Variants in NPAS3 observed in about 807,000 individuals in gnomAD.
NPAS3 encodes the protein neuronal PAS domain-containing protein 3.
A neutral mutation model predicts 73.1 loss-of-function variants in NPAS3; 14 were observed. That is an observed-to-expected ratio of 0.19 (90% CI 0.13 to 0.30). NPAS3 has a LOEUF of 0.30. Among genes scored for constraint, NPAS3 ranks in the 10% least tolerant of loss-of-function variants. The pLI is 1.00. For synonymous variants in NPAS3, 620 were observed against 541.5 expected, an observed-to-expected ratio of 1.14 and a Z score of -2.01; for missense variants, 1,096 against 1,250.0, an observed-to-expected ratio of 0.88 and a Z score of 1.86.
At chr14:33,195,710 C>T (rs2046328791) in intron 2 of NPAS3, among the ~76,000 whole-genome samples, 1 of 152,202 alleles carries the variant, frequency 6.6e-6, no homozygotes, top group Non-Finnish European at 1.5e-5. Context: ...CTAGGCTTTC[C>T]TTTCAAAGCG....
rs140915363 is a variant in NPAS3 at position 33,060,677 on chromosome 14, A to C, written c.140+4683A>C. Among the ~76,000 whole-genome samples, 440 of 152,274 alleles carry C rather than the reference A, an allele frequency of 2.9e-3. 8 individuals are homozygous for C. The highest frequency in any genetic ancestry group is 0.01 in the African/African-American group (429 of 41,562). ...ACCTGGATGCCTGGTTAGTGTTTCA[A>C]ACCTGTGCCTCATCGGCACAGAGTT... On this transcript the variant is annotated intron_variant, in intron 2 of 11. Transcript: ENST00000356141.
intron 10 of NPAS3, among the ~76,000 whole-genome samples, chr14:33,795,590 A>C (rs753258244): frequency 6.6e-6 from 1 of 152,180 alleles, no homozygotes; most frequent in Admixed American, 6.5e-5. Flanking sequence ...CAGGCACCCT[A>C]GGGCTAGCAG....
At chr14:33,132,724 A>G (rs1434370233) in intron 2 of NPAS3, among the ~76,000 whole-genome samples, 1 of 152,170 alleles carries the variant, frequency 6.6e-6, no homozygotes, top group Non-Finnish European at 1.5e-5. Flanking sequence ...AAAATTGACA[A>G]GATGATTGGA....
chr14:33,800,441 C>A lies in NPAS3; in HGVS notation c.2134C>A (p.Pro712Thr). Residue 712 changes from proline to threonine, a missense_variant, in exon 12 of 12, where the codon CCC (proline) becomes ACC (threonine). By Grantham distance (38) the Pro-to-Thr change is conservative. Coordinates refer to ENST00000356141, the Ensembl canonical transcript of NPAS3. The surrounding 1 kb of genome is among the most constrained non-coding windows in gnomAD (Gnocchi z 6.5). ...TGGCGGGGGGCTGCACGTGGCCATT[C>A]CCGACTCGGTCCTCACCCCGCCCGG... is the stretch of plus-strand genomic sequence containing the variant. The A allele has an allele frequency of 6.4e-7, 1 of 1,574,540 alleles. No homozygotes were observed.
chr14:33,172,593 G>A (rs2045432701), intron 2 of NPAS3, among the ~76,000 whole-genome samples: 3 of 152,064 alleles, frequency 2.0e-5, no homozygotes, highest in East Asian at 3.9e-4. Flanking sequence ...AAAATTAGCC[G>A]GGTGTGGTGG....
chr14:33,085,693 G>A (rs2042001859), intron 2 of NPAS3, among the ~76,000 whole-genome samples: 2 of 152,074 alleles, frequency 1.3e-5, no homozygotes, highest in South Asian at 4.2e-4. Context: ...TTTTTCTTGT[G>A]AAAAGACATT....
At chr14:33,749,928 A>C (rs1412356055) in intron 7 of NPAS3, among the ~76,000 whole-genome samples, 1 of 152,140 alleles carries the variant, frequency 6.6e-6, no homozygotes, top group African/African-American at 2.4e-5. Flanking sequence ...ATCAGTGGAG[A>C]TGTGTCACAA....
chr14:32,937,524 C>T (rs1316096403), upstream of NPAS3, among the ~76,000 whole-genome samples: 1 of 152,112 alleles, frequency 6.6e-6, no homozygotes, highest in African/African-American at 2.4e-5. Flanking sequence ...ACACTCTCCA[C>T]TCCAGTTCAT....
intron 4 of NPAS3, among the ~76,000 whole-genome samples, chr14:33,460,520 C>T (rs918088937): frequency 6.6e-6 from 1 of 152,156 alleles, no homozygotes; most frequent in Admixed American, 6.5e-5. Flanking sequence ...GTGACTCTTC[C>T]CAAAAATATA....
chr14:33,352,442 T>C (rs151331565), intron 3 of NPAS3, among the ~76,000 whole-genome samples: 65 of 152,356 alleles, frequency 4.3e-4, no homozygotes, highest in Middle Eastern at 3.4e-3. Flanking sequence ...ATTTACTAGG[T>C]ATGTGCTAGA....
At chr14:33,776,341 G>A (rs1359689288) in intron 8 of NPAS3, among the ~76,000 whole-genome samples, 2 of 151,566 alleles carry the variant, frequency 1.3e-5, no homozygotes, top group African/African-American at 4.8e-5. Context: ...AAAGAACAGG[G>A]CCTCGTCTTA....
intron 2 of NPAS3, among the ~76,000 whole-genome samples, chr14:33,183,888 A>T (rs899812860): frequency 3.3e-5 from 5 of 152,142 alleles, no homozygotes; most frequent in African/African-American, 1.2e-4. Context: ...CATACTGCTT[A>T]ATGGCTTCTC....
intron 2 of NPAS3, among the ~76,000 whole-genome samples, chr14:33,074,714 C>T (rs2041601822): frequency 6.6e-6 from 1 of 152,248 alleles, no homozygotes; most frequent in African/African-American, 2.4e-5. Flanking sequence ...ACGCGCTCGG[C>T]CAACACTTTC....
intron 6 of NPAS3, among the ~76,000 whole-genome samples, chr14:33,711,993 C>T (rs950666925): frequency 6.6e-6 from 1 of 152,178 alleles, no homozygotes; most frequent in African/African-American, 2.4e-5. Context: ...TGACCCACTT[C>T]GAGCCCTTCC....
intron 2 of NPAS3, among the ~76,000 whole-genome samples, chr14:33,209,125 T>C (rs914580846): frequency 2.0e-5 from 3 of 152,220 alleles, no homozygotes; most frequent in Non-Finnish European, 2.9e-5. Context: ...TTAAAGAAGA[T>C]TTCTGAAATT....
chr14:33,564,151 T>C (rs1409932138), intron 5 of NPAS3, among the ~76,000 whole-genome samples: 1 of 151,970 alleles, frequency 6.6e-6, no homozygotes, highest in Non-Finnish European at 1.5e-5. Context: ...TACCACATAG[T>C]AGGAAAACAC....
chr14:33,486,513 A>C (rs2051606268), intron 4 of NPAS3, among the ~76,000 whole-genome samples: 1 of 152,188 alleles, frequency 6.6e-6, no homozygotes, highest in Non-Finnish European at 1.5e-5. Context: ...GTTTTATTGC[A>C]ACTCTAGGCT....
At chr14:33,577,668 C>T (rs10150626) in intron 5 of NPAS3, among the ~76,000 whole-genome samples, 2 of 152,144 alleles carry the variant, frequency 1.3e-5, no homozygotes, top group African/African-American at 2.4e-5. Context: ...GCTGGGGTGA[C>T]GGGGTAAAGG....
intron 3 of NPAS3, among the ~76,000 whole-genome samples, chr14:33,220,227 C>A (rs1253727405): frequency 2.2e-4 from 33 of 152,188 alleles, no homozygotes; most frequent in Non-Finnish European, 2.8e-4. Flanking sequence ...TCATCCTCAG[C>A]AGACTGAGGA....
Sources: gnomAD v4.1 joint callset for allele counts (sites outside exome capture counted in the v4.1 genomes callset) on GRCh38, gnomAD v4.1.1 for gene constraint, Gnocchi (gnomAD v3.1) non-coding constraint, MANE v1.5 for transcripts, NCBI Gene and HGNC (gene_info 2026-07-23, HGNC 2026-07-21) for gene names.